The following SDK1 variants were observed in gnomAD, a reference collection of about 807,000 sequenced individuals.
SDK1 encodes sidekick cell adhesion molecule 1.
SDK1 carries 157 observed loss-of-function variants against 245.5 expected under a neutral mutation model. The observed-to-expected ratio is 0.64, with a 90% CI of 0.56 to 0.73. The LOEUF is 0.73. Ranked by LOEUF, SDK1 falls within the 30% of genes least tolerant of loss-of-function variation. The pLI is 0.00. For synonymous variants in SDK1, 1,647 were observed against 1,278.5 expected (o/e 1.29, Z -6.15); for missense variants, 3,583 against 3,002.3 (o/e 1.19, Z -4.52).
At chr7:3,814,979 G>A (rs1779471485) in intron 4 of SDK1, among the ~76,000 whole-genome samples, 1 of 151,492 alleles carries the variant, frequency 6.6e-6, no homozygotes, top group Non-Finnish European at 1.5e-5. Context: ...CTGAGACTTT[G>A]CTGAAGTTGC....
intron 4 of SDK1, among the ~76,000 whole-genome samples, chr7:3,704,058 G>T (rs937221816): frequency 6.6e-6 from 1 of 151,926 alleles, no homozygotes; most frequent in African/African-American, 2.4e-5. Flanking sequence ...TCCCCTTTCT[G>T]AGTTCCCATA....
intron 1 of SDK1, among the ~76,000 whole-genome samples, chr7:3,442,882 C>G (rs1025657644): frequency 6.6e-6 from 1 of 152,156 alleles, no homozygotes; most frequent in Admixed American, 6.6e-5. Flanking sequence ...CTCTTCCATT[C>G]CCTCCGAACA....
In SDK1 at chr7:3,467,029, C is replaced by CACAG. The variant is rs1288513856; in HGVS notation, c.299-152050_299-152049insCAGA. On this transcript the variant is annotated intron_variant, in intron 1 of 44. Coordinates refer to ENST00000404826, the MANE Select transcript of SDK1 (RefSeq NM_152744.4). ...ACACACACACACACACACACACACA[C>CACAG]AGAGATGTAAAACATACACATAGAA... 4.2e-3 allele frequency among the ~76,000 whole-genome samples: 582 copies of CACAG among 137,552 alleles called. 1 individual carries two copies. Among genetic ancestry groups the CACAG allele is most frequent in the South Asian group, 0.014 (57 of 4,186 alleles). 90.2% of individuals were successfully genotyped at this position (137,552 alleles called of 152,430 possible).
At chr7:3,504,190 G>GTT (rs1304816398) in intron 1 of SDK1, among the ~76,000 whole-genome samples, 2 of 150,480 alleles carry the variant, frequency 1.3e-5, no homozygotes, top group African/African-American at 4.9e-5. Flanking sequence ...ATATGTGTGT[G>GTT]TGTGTGTGTG....
chr7:3,951,665 AGAT>A (rs1246105938), intron 6 of SDK1, 62 bp from the exon 7 acceptor site: 11 of 1,460,046 alleles, frequency 7.5e-6, no homozygotes, highest in Non-Finnish European at 1.0e-5. Context: ...CGAGTGCCTG[AGAT>A]GATGACCGTT....
chr7:3,877,144 A>G (rs1310384889), intron 5 of SDK1, among the ~76,000 whole-genome samples: 1 of 152,194 alleles, frequency 6.6e-6, no homozygotes. Context: ...ACCCCAATCC[A>G]TTGGAATGAA....
chr7:3,371,255 G>A (rs1182727703), intron 1 of SDK1, among the ~76,000 whole-genome samples: 1 of 147,058 alleles, frequency 6.8e-6, no homozygotes, highest in African/African-American at 2.4e-5. Flanking sequence ...GGATCTTGAG[G>A]AAACTAGGGA....
In SDK1 at chr7:4,267,200, T is replaced by G; in HGVS notation, c.*1816T>G. ...CCTCCCTTCCTTCCCCTCCTTCCTT[T>G]CCTTTACCCCTCCTTTCCTTCCTTC... On this transcript the variant is annotated 3_prime_UTR_variant, in exon 45 of 45. Coordinates refer to ENST00000404826, the MANE Select transcript of SDK1 (RefSeq NM_152744.4). 1.1e-6 allele frequency: 1 copy of G among 944,892 alleles called. No individual in the cohort carries two copies. The highest frequency in any genetic ancestry group is 1.3e-6 in the Non-Finnish European group (1 of 793,508). 58.5% of individuals were successfully genotyped at this position (944,892 alleles called of 1,614,324 possible).
At position 3,642,008 on chromosome 7, in the gene SDK1, C is replaced by A. The variant is rs141367524; in HGVS notation, c.616C>A (p.Arg206Ser). ...TDQRKTVSQG[R>S]AAILNLLPIT... ...CCAGAGGAAAACAGTTTCTCAAGGA[C>A]GTGCAGCGATTCTAAACCTGCTGCC... is the stretch of plus-strand genomic sequence containing the variant. The change falls in exon 4 of 45, where the codon CGT becomes AGT. Residue 206 changes from arginine (R) to serine (S), a missense_variant. By Grantham distance (110) the Arg-to-Ser change is moderately radical. Coordinates refer to ENST00000404826, the MANE Select transcript of SDK1 (RefSeq NM_152744.4). 1.3e-4 allele frequency: 203 copies of A among 1,613,724 alleles called. No homozygotes were observed. Among genetic ancestry groups the A allele is most frequent in the Non-Finnish European group, 1.6e-4 (194 of 1,179,622 alleles).
At chr7:3,361,283 C>T (rs1388946503) in intron 1 of SDK1, among the ~76,000 whole-genome samples, 1 of 152,138 alleles carries the variant, frequency 6.6e-6, no homozygotes, top group Non-Finnish European at 1.5e-5. Flanking sequence ...CATTTTAAAA[C>T]CCGAATTGAA....
chr7:4,211,962 A>T (rs1010878020), intron 38 of SDK1, among the ~76,000 whole-genome samples: 1 of 152,180 alleles, frequency 6.6e-6, no homozygotes, highest in Non-Finnish European at 1.5e-5. Context: ...TGCCATCCAG[A>T]CACCAATGTG....
At chr7:3,505,391 A>G (rs117907255) in intron 1 of SDK1, among the ~76,000 whole-genome samples, 1 of 152,200 alleles carries the variant, frequency 6.6e-6, no homozygotes, top group Non-Finnish European at 1.5e-5. Context: ...AGCTAGGACT[A>G]CAGGTGCATG....
rs1779263157 is a variant in SDK1, at chr7:3,301,678, C to T, written c.92C>T (p.Ser31Phe). Residue 31 changes from serine to phenylalanine, a missense_variant, in exon 1 of 45, where the codon TCC (serine) becomes TTC (phenylalanine). Physicochemically the swap from Ser to Phe is radical, Grantham distance 155. Coordinates refer to ENST00000404826, the MANE Select transcript of SDK1 (RefSeq NM_152744.4). ...ERAGPGRPRG[S>F]PPGRARPSLA... ...GCGGGCCCCGGGCGGCCGCGGGGATCCCCGCCCGGCCGCGCCCGCCCCTCG... is the reference window on the plus strand; with the variant it reads ...GCGGGCCCCGGGCGGCCGCGGGGATTCCCGCCCGGCCGCGCCCGCCCCTCG... 3 of 974,156 alleles carry T rather than the reference C, an allele frequency of 3.1e-6. No homozygotes were observed. Among genetic ancestry groups the T allele is most frequent in the African/African-American group, 3.6e-5 (2 of 55,994 alleles). 60.3% of individuals were successfully genotyped at this position (974,156 alleles called of 1,614,324 possible). A position where few individuals can be genotyped will look rare whatever the true frequency, so the allele number is the denominator to read the frequency against.
At chr7:3,523,630 A>G (rs1783019399) in intron 1 of SDK1, among the ~76,000 whole-genome samples, 2 of 152,130 alleles carry the variant, frequency 1.3e-5, no homozygotes, top group Admixed American at 6.5e-5. Context: ...AGCATTTGTG[A>G]TACCTCAATG....
At chr7:3,670,055 C>A (rs895503158) in intron 4 of SDK1, among the ~76,000 whole-genome samples, 1 of 152,190 alleles carries the variant, frequency 6.6e-6, no homozygotes, top group Admixed American at 6.5e-5. Flanking sequence ...AATCTACTCA[C>A]ATCATTGTGT....
intron 13 of SDK1, among the ~76,000 whole-genome samples, chr7:3,980,220 C>A (rs1263997814): frequency 6.6e-6 from 1 of 152,228 alleles, no homozygotes; most frequent in Non-Finnish European, 1.5e-5. Context: ...TCACCAATTG[C>A]TTTCTTTCGA....
chr7:3,679,508 AG>A (rs1176428379), intron 4 of SDK1, among the ~76,000 whole-genome samples: 1 of 152,086 alleles, frequency 6.6e-6, no homozygotes, highest in Non-Finnish European at 1.5e-5. Flanking sequence ...TGGAGCTTGC[AG>A]TGAGCCGAGA....
chr7:3,414,991 G>A (rs971790019), intron 1 of SDK1, among the ~76,000 whole-genome samples: 1 of 152,166 alleles, frequency 6.6e-6, no homozygotes, highest in Non-Finnish European at 1.5e-5. Flanking sequence ...CATGTTGGTT[G>A]TTTTGACTTT....
At chr7:4,091,724 G>C (rs1003635642) in intron 22 of SDK1, among the ~76,000 whole-genome samples, 2 of 152,238 alleles carry the variant, frequency 1.3e-5, no homozygotes, top group Admixed American at 1.3e-4. Context: ...TGGCAGGCCA[G>C]TGTAGATAAG....
Sources: gnomAD v4.1 joint callset for allele counts (sites outside exome capture counted in the v4.1 genomes callset) on GRCh38, gnomAD v4.1.1 for gene constraint, MANE v1.5 for transcripts, NCBI Gene and HGNC (gene_info 2026-07-23, HGNC 2026-07-21) for gene names.